TMEM74: variants seen among roughly 807,000 people sequenced by gnomAD.
TMEM74 encodes transmembrane protein 74.
TMEM74 carries 13 observed loss-of-function variants against 18.1 expected under a neutral mutation model. The ratio of observed to expected loss-of-function variants is 0.72; its 90% CI spans 0.47 to 1.14. The LOEUF (loss-of-function observed/expected upper bound fraction) is 1.14. Ranked by LOEUF, TMEM74 falls within the 50% of genes most tolerant of loss-of-function variation. TMEM74 has a pLI of 0.00. For synonymous variants in TMEM74, 159 were observed against 146.6 expected (o/e 1.08, Z -0.61); for missense variants, 372 against 375.9 (o/e 0.99, Z 0.09).
chr8:108,679,375 G>C (rs1450099828), intron 1 of TMEM74, among the ~76,000 whole-genome samples: 2 of 152,124 alleles, frequency 1.3e-5, no homozygotes, highest in African/African-American at 4.8e-5. Context: ...CAGTGTAAAA[G>C]TGTTCCTATT....
chr8:108,683,880 A>G (rs1327380985), intron 1 of TMEM74, among the ~76,000 whole-genome samples: 2 of 152,034 alleles, frequency 1.3e-5, no homozygotes, highest in Non-Finnish European at 2.9e-5. Context: ...GGTTTATTTC[A>G]CTTAACATGA....
chr8:108,696,321 T>G (rs1260835618), intron 1 of TMEM74, among the ~76,000 whole-genome samples: 1 of 152,208 alleles, frequency 6.6e-6, no homozygotes, highest in Admixed American at 6.5e-5. Flanking sequence ...ATTTCTATAT[T>G]GCAAATGAAA....
chr8:108,629,524 C>T (rs1479306232), intron 2 of TMEM74, among the ~76,000 whole-genome samples: 2 of 152,050 alleles, frequency 1.3e-5, no homozygotes, highest in East Asian at 1.9e-4. Context: ...CCCCAAGACA[C>T]ATAATTGTCA....
chr8:108,624,897 T>C (rs868265105), intron 2 of TMEM74, among the ~76,000 whole-genome samples: 3 of 152,068 alleles, frequency 2.0e-5, no homozygotes, highest in Non-Finnish European at 2.9e-5. Context: ...ATTATTTTAT[T>C]ATATTTTAAA....
intron 1 of TMEM74, 23 bp from the exon 2 acceptor site, chr8:108,785,160 A>AAACTTC: frequency 6.6e-7 from 1 of 1,506,612 alleles, no homozygotes. Context: ...ACAGAGTTAG[A>AAACTTC]TAAGAACCCA....
intron 1 of TMEM74, among the ~76,000 whole-genome samples, chr8:108,657,900 ATATT>A (rs1294256646): frequency 1.2e-4 from 15 of 123,506 alleles, no homozygotes; most frequent in African/African-American, 3.7e-4. Flanking sequence ...ATATATATAT[ATATT>A]AATTACATAT....
chr8:108,626,333 T>A (rs1812492773), intron 2 of TMEM74, among the ~76,000 whole-genome samples: 1 of 152,120 alleles, frequency 6.6e-6, no homozygotes, highest in Non-Finnish European at 1.5e-5. Context: ...CAGAATTTTA[T>A]GATATTATGC....
At chr8:108,717,773 G>T (rs1302235284) in intron 1 of TMEM74, among the ~76,000 whole-genome samples, 2 of 152,012 alleles carry the variant, frequency 1.3e-5, no homozygotes, top group African/African-American at 4.8e-5. Flanking sequence ...TTGGAAATAT[G>T]CTTAAGGAAT....
chr8:108,728,197 G>T (rs1051658795), intron 1 of TMEM74, among the ~76,000 whole-genome samples: 4 of 152,238 alleles, frequency 2.6e-5, no homozygotes, highest in South Asian at 4.1e-4. Flanking sequence ...GCCAAGAGAA[G>T]TTGTTTTCCC....
chr8:108,703,067 A>G (rs1397610067), intron 1 of TMEM74, among the ~76,000 whole-genome samples: 1 of 152,158 alleles, frequency 6.6e-6, no homozygotes, highest in Admixed American at 6.5e-5. Context: ...TTGGGAAAGG[A>G]ATAATCCCTC....
At chr8:108,666,504 T>C (rs574106341) in intron 1 of TMEM74, among the ~76,000 whole-genome samples, 2 of 152,262 alleles carry the variant, frequency 1.3e-5, no homozygotes, top group South Asian at 4.1e-4. Flanking sequence ...TCAAATAAAA[T>C]GCTTTGTCCC....
intron 2 of TMEM74, among the ~76,000 whole-genome samples, chr8:108,632,320 T>C (rs1414706956): frequency 6.6e-6 from 1 of 152,012 alleles, no homozygotes; most frequent in Admixed American, 6.6e-5. Flanking sequence ...CTGTGGTGCA[T>C]ACTTAAAAAT....
intron 1 of TMEM74, among the ~76,000 whole-genome samples, chr8:108,687,706 C>T (rs1053450826): frequency 1.3e-5 from 2 of 151,984 alleles, no homozygotes; most frequent in South Asian, 2.1e-4. Flanking sequence ...ACCTAGATCC[C>T]TCGCATGTGC....
chr8:108,768,890 A>G (rs1170472832), intron 1 of TMEM74, among the ~76,000 whole-genome samples: 1 of 152,130 alleles, frequency 6.6e-6, no homozygotes, highest in Non-Finnish European at 1.5e-5. Flanking sequence ...TTATCCTTAA[A>G]TTTCCCATGG....
At chr8:108,662,971 C>G (rs1416574438) in intron 1 of TMEM74, among the ~76,000 whole-genome samples, 1 of 152,098 alleles carries the variant, frequency 6.6e-6, no homozygotes, top group Admixed American at 6.6e-5. Context: ...GTGATGCCTC[C>G]AGGTTTGTTG....
chr8:108,731,694 T>G (rs1189615832), intron 1 of TMEM74, among the ~76,000 whole-genome samples: 2 of 152,228 alleles, frequency 1.3e-5, no homozygotes, highest in Admixed American at 6.5e-5. Flanking sequence ...CCTTGTGTTC[T>G]GAGTGAATGA....
intron 1 of TMEM74, among the ~76,000 whole-genome samples, chr8:108,685,628 T>C (rs1050926371): frequency 9.9e-5 from 15 of 152,190 alleles, no homozygotes; most frequent in African/African-American, 3.4e-4. Context: ...TGCCTAATTC[T>C]ATCATGACAA....
intron 1 of TMEM74, among the ~76,000 whole-genome samples, chr8:108,711,648 G>A (rs1447171451): frequency 6.6e-6 from 1 of 152,156 alleles, no homozygotes; most frequent in Non-Finnish European, 1.5e-5. Context: ...AGTTTGGCAA[G>A]GCCACTGGGG....
At chr8:108,701,816 ATG>A (rs1318264525) in intron 1 of TMEM74, among the ~76,000 whole-genome samples, 1 of 152,194 alleles carries the variant, frequency 6.6e-6, no homozygotes, top group Non-Finnish European at 1.5e-5. Context: ...GATTGTCAAG[ATG>A]TCTTTTCTCC....
Sources: gnomAD v4.1 joint callset for allele counts (sites outside exome capture counted in the v4.1 genomes callset) on GRCh38, gnomAD v4.1.1 for gene constraint, MANE v1.5 for transcripts, NCBI Gene and HGNC (gene_info 2026-07-23, HGNC 2026-07-21) for gene names.